Variants in CASKIN2 observed in about 807,000 individuals in gnomAD.
The protein encoded by CASKIN2 is CASK interacting protein 2.
In CASKIN2, 41 loss-of-function variants were observed where a neutral mutation model predicts 107.1. The ratio of observed to expected loss-of-function variants is 0.38; its 90% CI spans 0.30 to 0.50. The LOEUF (loss-of-function observed/expected upper bound fraction) is 0.50, where lower values mean the gene tolerates loss of function less well. CASKIN2 is among the 20% of genes least tolerant of loss of function. CASKIN2 has a pLI of 0.92. For missense variants in CASKIN2, 1,546 were observed against 1,657.4 expected (o/e 0.93, Z 1.17); for synonymous variants, 724 against 705.6 (o/e 1.03, Z -0.41).
rs865899198 is a variant in CASKIN2, at chr17:75,509,749, T to G, written c.95-1464A>C. 5.1e-5 allele frequency: 50 copies of G among 985,504 alleles called. No individual in the cohort carries two copies. In the South Asian group the frequency reaches 2.2e-3, roughly 44 times the overall value. The allele number at this position is 985,504 out of a possible 1,614,324, so 61.0% of individuals were successfully genotyped here. On this transcript the variant is annotated intron_variant, in intron 2 of 19. Coordinates refer to ENST00000321617, the MANE Select transcript of CASKIN2 (RefSeq NM_020753.5). ...CCTCTCTGAGCCCCAGTGGAGACAA[T>G]GCGGTCAGCAGGGAAGAGACACAGA... is the stretch of plus-strand genomic sequence containing the variant.
At chr17:75,508,711 G>A (rs1426768356) in intron 2 of CASKIN2, among the ~76,000 whole-genome samples, 4 of 152,316 alleles carry the variant, frequency 2.6e-5, no homozygotes, top group Admixed American at 1.3e-4. Flanking sequence ...GGCAGGCCAC[G>A]ATGCCCAGTC....
In CASKIN2 at chr17:75,501,631, GCT is replaced by G; in HGVS notation, c.3353_3354del (p.Lys1118ThrfsTer16). ...GGGCGGGGGCCGAGCCGGGGCGCTA[GCT>G]TAGGGCCAGAAAATGCCAGCTGGGT... is the stretch of plus-strand genomic sequence containing the variant. ...ACTQLAFSGP[K>X]LAPRLGPRPV... On this transcript the variant is annotated frameshift_variant, in exon 19 of 20. Transcript: ENST00000321617. LOFTEE classifies it high-confidence loss of function. 1.3e-6 allele frequency: 2 copies of G among 1,597,452 alleles called. No homozygotes were observed. The highest frequency in any genetic ancestry group is 1.7e-6 in the Non-Finnish European group (2 of 1,171,314).
chr17:75,502,429 GGGCCAGAGACGGAGCTGA>G lies in CASKIN2; in HGVS notation c.2627_2644del (p.Leu876_Gly881del). The G allele has an allele frequency of 6.9e-7, 1 of 1,452,806 alleles. No homozygotes were observed. The highest frequency in any genetic ancestry group is 9.1e-7 in the Non-Finnish European group (1 of 1,100,510). The allele number at this position is 1,452,806 out of a possible 1,614,324, so 90.0% of individuals were successfully genotyped here. A position where few individuals can be genotyped will look rare whatever the true frequency, so the allele number is the denominator to read the frequency against. On this transcript the variant is annotated inframe_deletion, in exon 18 of 20. Transcript: ENST00000321617. This position sits in a 1 kb window ranked among gnomAD's most constrained non-coding sequence, Gnocchi z 4.3. Reference sequence around the variant, plus strand: ...ATCTAGTGGAGGTGGCTCCGGGCTGGGGCCAGAGACGGAGCTGAGGCGCTTGGGGGGCGGGGGCGGGGG... The same window carrying G: ...ATCTAGTGGAGGTGGCTCCGGGCTGGGGCGCTTGGGGGGCGGGGGCGGGGG...
Position 75,507,078 on chromosome 17 carries a change from C to G in CASKIN2, c.296G>C (p.Arg99Thr), listed in dbSNP as rs574943119. The G allele has an allele frequency of 6.2e-7, 1 of 1,611,622 alleles. No homozygotes were observed. The highest frequency in any genetic ancestry group is 1.7e-5 in the Admixed American group (1 of 59,878). Residue 99 changes from arginine to threonine, a missense_variant, in exon 5 of 20, where the codon AGG becomes ACG. Physicochemically the swap from Arg to Thr is moderately conservative, Grantham distance 71. This residue lies in a region of CASKIN2 where 136 missense variants were observed against 198.6 expected (regional missense o/e 0.68). Coordinates refer to ENST00000321617, the MANE Select transcript of CASKIN2 (RefSeq NM_020753.5). ...AGCCGCAGAGGCGCGCAGCAGCAGCCTCACAGGCTCCAGCCGGCCCTGCCA... is the reference window on the plus strand; with the variant it reads ...AGCCGCAGAGGCGCGCAGCAGCAGCGTCACAGGCTCCAGCCGGCCCTGCCA... ...AAWQGRLEPV[R>T]LLLRASAAVN... is the part of the protein sequence containing the mutation.
In CASKIN2 at chr17:75,505,077, C is replaced by A. The variant is rs374737612; in HGVS notation, c.931-4G>T. 1.6e-5 allele frequency: 25 copies of A among 1,606,016 alleles called. No individual in the cohort carries two copies. The highest frequency in any genetic ancestry group is 1.9e-5 in the Non-Finnish European group (22 of 1,178,036). Reference sequence around the variant, plus strand: ...CGTCGGGATGCTGTTCTAGCACCTGCGGCCAGGGGTGGGGGGCGGGGACGG... The same window carrying A: ...CGTCGGGATGCTGTTCTAGCACCTGAGGCCAGGGGTGGGGGGCGGGGACGG... On this transcript the variant is annotated splice_polypyrimidine_tract_variant and splice_region_variant and intron_variant, in intron 10 of 19. Transcript: ENST00000321617. This position sits in a 1 kb window ranked among gnomAD's most constrained non-coding sequence, Gnocchi z 5.1.
At chr17:75,509,672 G>T in intron 2 of CASKIN2, 7 of 984,394 alleles carry the variant, frequency 7.1e-6, no homozygotes, top group Non-Finnish European at 8.4e-6. Context: ...AGAAGCGGAA[G>T]TGCACAGTTC....
chr17:75,503,700 C>G lies in CASKIN2; in HGVS notation c.1639G>C (p.Ala547Pro), dbSNP rs766919526. ...GHRKKIASEIAQLSIAEWLPS... is the reference protein window; with the variant it reads ...GHRKKIASEIPQLSIAEWLPS... ...AGCCACTCGGCGATGCTGAGCTGAG[C>G]GATCTCTGAGGCGATCTTCTTCCTG... Residue 547 changes from alanine (A) to proline (P), a missense_variant, in exon 16 of 20, where the codon GCT (alanine) becomes CCT (proline). Ala to Pro is a conservative substitution (Grantham distance 27, BLOSUM62 -1). Around this residue, in one of 6 missense-constraint regions of CASKIN2, gnomAD observed 1,311 missense variants for 1,311.0 expected, o/e 1.00. Coordinates refer to ENST00000321617, the MANE Select transcript of CASKIN2 (RefSeq NM_020753.5). 21 of 1,612,282 alleles carry G rather than the reference C, an allele frequency of 1.3e-5. No individual in the cohort carries two copies. The highest frequency in any genetic ancestry group is 6.7e-5 in the Admixed American group (4 of 59,996).
In CASKIN2 at chr17:75,500,982, A is replaced by T. The variant is rs1321840446; in HGVS notation, c.*98T>A. 2.5e-6 allele frequency: 3 copies of T among 1,208,456 alleles called. No homozygotes were observed. In the African/African-American group the frequency reaches 4.5e-5, roughly 18 times the overall value. The allele number at this position is 1,208,456 out of a possible 1,614,324, so 74.9% of individuals were successfully genotyped here. On this transcript the variant is annotated 3_prime_UTR_variant, in exon 20 of 20. Transcript: ENST00000321617. ...CTGCTAGGAGGGGCACTTCAGCCTG[A>T]CCAGCCCTTGGCCCGTCCCTAGGGT...
chr17:75,513,044 T>G (rs1407486442), intron 2 of CASKIN2, among the ~76,000 whole-genome samples: 4 of 152,192 alleles, frequency 2.6e-5, no homozygotes, highest in African/African-American at 9.7e-5. Context: ...AGAAATCTCA[T>G]GGCTCCAAAG....
At chr17:75,512,228 A>G (rs1045942086) in intron 2 of CASKIN2, among the ~76,000 whole-genome samples, 5 of 152,172 alleles carry the variant, frequency 3.3e-5, no homozygotes, top group African/African-American at 1.2e-4. Flanking sequence ...AGAGCCCCTG[A>G]ACTCCAGAGG....
At chr17:75,511,986 G>C (rs1013085223) in intron 2 of CASKIN2, among the ~76,000 whole-genome samples, 1 of 152,148 alleles carries the variant, frequency 6.6e-6, no homozygotes, top group Non-Finnish European at 1.5e-5. Flanking sequence ...TGGACCTTAG[G>C]GCCCTCCCCT....
Position 75,507,282 on chromosome 17 carries a change from C to T in CASKIN2, c.245-153G>A, listed in dbSNP as rs549826287. Among the ~76,000 whole-genome samples the T allele has an allele frequency of 9.2e-5, 14 of 151,826 alleles. No homozygotes were observed. In the East Asian group the frequency reaches 1.2e-3, roughly 13 times the overall value. Reference sequence around the variant, plus strand: ...ATCCAGGTGTGCTTAGGAAGAGGTTCGGCTCGACAGGGCTGAAGCCAGAGT... The same window carrying T: ...ATCCAGGTGTGCTTAGGAAGAGGTTTGGCTCGACAGGGCTGAAGCCAGAGT... On this transcript the variant is annotated intron_variant, in intron 4 of 19. Transcript: ENST00000321617.
Position 75,508,303 on chromosome 17 carries a change from A to T in CASKIN2, c.95-18T>A. The T allele has an allele frequency of 1.9e-6, 3 of 1,612,498 alleles. No individual in the cohort carries two copies. The highest frequency in any genetic ancestry group is 2.5e-6 in the Non-Finnish European group (3 of 1,179,258). ...CAGGAGCTCTAGGGGTCAGGATAGGAGGTGTCAGGGCCATCAGATGACTGC... is the reference window on the plus strand; with the variant it reads ...CAGGAGCTCTAGGGGTCAGGATAGGTGGTGTCAGGGCCATCAGATGACTGC... On this transcript the variant is annotated intron_variant, in intron 2 of 19. Coordinates refer to ENST00000321617, the MANE Select transcript of CASKIN2 (RefSeq NM_020753.5).
chr17:75,513,639 A>ACCCC, intron 2 of CASKIN2, 72 bp downstream of exon 2: 2 of 827,804 alleles, frequency 2.4e-6, no homozygotes, highest in Non-Finnish European at 4.1e-6. Context: ...ACAGTGACCC[A>ACCCC]CCCCCACCCA....
At position 75,504,629 on chromosome 17, in the gene CASKIN2, C is replaced by T. The variant is rs1471722196; in HGVS notation, c.1257G>A (p.Gly419=). 1.2e-6 allele frequency: 2 copies of T among 1,608,688 alleles called. No homozygotes were observed. Among genetic ancestry groups the T allele is most frequent in the Non-Finnish European group, 1.7e-6 (2 of 1,177,142 alleles). The change falls in exon 12 of 20, where the codon GGG becomes GGA. Residue 419 remains glycine (G), a synonymous_variant. Coordinates refer to ENST00000321617, the MANE Select transcript of CASKIN2 (RefSeq NM_020753.5). ...GGCCATTAGTGCCCTCAGAGCTCTG[C>T]CCGCTGCCGGCACTGCGGATGCTGC... ...SVGSIRSAGS[G]QSSEGTNGHG...
rs747982315 is a variant in CASKIN2 at position 75,504,638 on chromosome 17, G to A, written c.1248C>T (p.Ala416=). The A allele has an allele frequency of 2.1e-5, 33 of 1,608,054 alleles. No homozygotes were observed. The highest frequency in any genetic ancestry group is 2.0e-4 in the East Asian group (9 of 44,656). ...TGCCCTCAGAGCTCTGCCCGCTGCCGGCACTGCGGATGCTGCCCACGCTGC... is the reference window on the plus strand; with the variant it reads ...TGCCCTCAGAGCTCTGCCCGCTGCCAGCACTGCGGATGCTGCCCACGCTGC... ...SEGSVGSIRS[A]GSGQSSEGTN... Residue 416 remains alanine, a synonymous_variant, in exon 12 of 20, where the codon GCC becomes GCT. Transcript: ENST00000321617.
At chr17:75,509,238 G>A (rs945513275) in intron 2 of CASKIN2, among the ~76,000 whole-genome samples, 1 of 152,234 alleles carries the variant, frequency 6.6e-6, no homozygotes, top group African/African-American at 2.4e-5. Context: ...TGCTGGGGAG[G>A]GAAGGAAGGC....
rs1305723660 is a variant in CASKIN2, at chr17:75,513,781, G to A, written c.24C>T (p.Ile8=). 1 of 1,613,786 alleles carries A rather than the reference G, an allele frequency of 6.2e-7. No individual in the cohort carries two copies. Among genetic ancestry groups the A allele is most frequent in the South Asian group, 1.1e-5 (1 of 91,080 alleles). ...TCACATCTCCATTCTTGACGGCGAG[G>A]ATCAGGTCCTGTTCACGACCCATAC... MGREQDL[I]LAVKNGDVTG... The change falls in exon 2 of 20, where the codon ATC becomes ATT. Residue 8 remains isoleucine (I), a synonymous_variant. Transcript: ENST00000321617.
Position 75,502,520 on chromosome 17 carries a change from C to T in CASKIN2, c.2554G>A (p.Gly852Arg), listed in dbSNP as rs375088457. ...SPSVTPTPARGTPRSQSFALR... is the reference protein window; with the variant it reads ...SPSVTPTPARRTPRSQSFALR... ...GCAAAGGACTGGCTGCGAGGAGTCC[C>T]CCGAGCTGGGGTTGGGGTCACACTA... is the stretch of plus-strand genomic sequence containing the variant. The change falls in exon 18 of 20, where the codon GGG becomes AGG. Residue 852 changes from glycine to arginine, a missense_variant. By Grantham distance (125) the Gly-to-Arg change is moderately radical. Around this residue, in one of 6 missense-constraint regions of CASKIN2, gnomAD observed 1,311 missense variants for 1,311.0 expected, o/e 1.00. Coordinates refer to ENST00000321617, the MANE Select transcript of CASKIN2 (RefSeq NM_020753.5). The surrounding 1 kb of genome is among the most constrained non-coding windows in gnomAD (Gnocchi z 4.3). 3.1e-5 allele frequency: 46 copies of T among 1,481,782 alleles called. No homozygotes were observed. Among genetic ancestry groups the T allele is most frequent in the East Asian group, 2.2e-4 (9 of 40,988 alleles). 91.8% of individuals were successfully genotyped at this position (1,481,782 alleles called of 1,614,324 possible). A position where few individuals can be genotyped will look rare whatever the true frequency, so the allele number is the denominator to read the frequency against.
Sources: gnomAD v4.1 joint callset for allele counts (sites outside exome capture counted in the v4.1 genomes callset) on GRCh38, gnomAD v4.1.1 for gene constraint, gnomAD v4.1.1 regional missense constraint, Gnocchi (gnomAD v3.1) non-coding constraint, MANE v1.5 for transcripts, NCBI Gene and HGNC (gene_info 2026-07-23, HGNC 2026-07-21) for gene names.